The following MFSD6 variants were observed in gnomAD, a reference collection of about 807,000 sequenced individuals.
MFSD6 encodes major facilitator superfamily domain containing 6.
A neutral mutation model predicts 56.3 loss-of-function variants in MFSD6; 26 were observed. The observed-to-expected ratio is 0.46, with a 90% CI of 0.34 to 0.64. The LOEUF (loss-of-function observed/expected upper bound fraction) is 0.64. Among genes scored for constraint, MFSD6 ranks in the 30% least tolerant of loss-of-function variants. The pLI, the probability that MFSD6 is intolerant of heterozygous loss-of-function variation, is 0.01. For missense variants in MFSD6, 750 were observed against 986.2 expected, an observed-to-expected ratio of 0.76 and a Z score of 3.21; for synonymous variants, 331 against 366.9, an observed-to-expected ratio of 0.90 and a Z score of 1.12.
Position 190,436,058 on chromosome 2 carries a change from C to G in MFSD6, c.29C>G (p.Thr10Arg), listed in dbSNP as rs147482836. ...GCAGATGATAAAGTTGCTATCTTAA[C>G]GGATGATGAAGAGGAACAGAAGAGA... is the stretch of plus-strand genomic sequence containing the variant. Reference protein sequence around the residue: MADDKVAILTDDEEEQKRKY... With the variant: MADDKVAILRDDEEEQKRKY... The change falls in exon 3 of 8, where the codon ACG (threonine) becomes AGG (arginine). Residue 10 changes from threonine to arginine, a missense_variant. Physicochemically the swap from Thr to Arg is moderately conservative, Grantham distance 71 (BLOSUM62 -1). Around this residue, in one of 5 missense-constraint regions of MFSD6, gnomAD observed 76 missense variants for 101.9 expected, o/e 0.75. Coordinates refer to ENST00000392328, the MANE Select transcript of MFSD6 (RefSeq NM_017694.4). The surrounding 1 kb of genome is among the most constrained non-coding windows in gnomAD (Gnocchi z 5.3). 3 of 1,613,422 alleles carry G rather than the reference C, an allele frequency of 1.9e-6. No homozygotes were observed. The East Asian group carries it at 6.7e-5, about 36-fold the overall frequency.
chr2:190,475,429 A>G (rs532790929), intron 4 of MFSD6, among the ~76,000 whole-genome samples: 1 of 152,300 alleles, frequency 6.6e-6, no homozygotes, highest in South Asian at 2.1e-4. Context: ...TAACAGCCAA[A>G]CACCCAAATC....
At chr2:190,481,618 TTGG>T (rs1688670674) in intron 4 of MFSD6, among the ~76,000 whole-genome samples, 1 of 152,208 alleles carries the variant, frequency 6.6e-6, no homozygotes, top group South Asian at 2.1e-4. Context: ...TGTAAGCTCC[TTGG>T]TGGCTGGGGA....
Position 190,413,498 on chromosome 2 carries a change from G to A in MFSD6, c.-175-1794G>A, listed in dbSNP as rs1264643535. Among the ~76,000 whole-genome samples the A allele has an allele frequency of 1.3e-5, 2 of 152,178 alleles. No individual in the cohort carries two copies. The highest frequency in any genetic ancestry group is 1.5e-5 in the Non-Finnish European group (1 of 68,036). On this transcript the variant is annotated intron_variant, in intron 1 of 7. Transcript: ENST00000392328. The surrounding 1 kb of genome is among the most constrained non-coding windows in gnomAD (Gnocchi z 4.1). ...AAGGCCAGCTCTGAATGACTCTGAG[G>A]AAATGTTTGGAAGCATTTTGATCTG...
intron 3 of MFSD6, among the ~76,000 whole-genome samples, chr2:190,441,233 A>G (rs551058624): frequency 6.6e-6 from 1 of 152,060 alleles, no homozygotes; most frequent in East Asian, 1.9e-4. Context: ...TATGTTTTCC[A>G]GGGTCTGTTC....
At position 190,436,924 on chromosome 2, in the gene MFSD6, G is replaced by T. The variant is rs1219885410; in HGVS notation, c.895G>T (p.Glu299Ter). The change falls in exon 3 of 8, where the codon GAA (glutamate) becomes TAA (stop). Residue 299 changes from glutamate to a stop codon, truncating the protein, a stop_gained. Transcript: ENST00000392328. LOFTEE classifies it high-confidence loss of function. This position sits in a 1 kb window ranked among gnomAD's most constrained non-coding sequence, Gnocchi z 5.3. ...GATCTTGGTAGTTGTCATAATAGGA[G>T]AATTTTTCAGTGCCTCTTCTGTCAC... is the stretch of plus-strand genomic sequence containing the variant. ...LVILVVVIIGEFFSASSVTIV... is the reference protein window; with the variant it reads ...LVILVVVIIG The T allele has an allele frequency of 6.2e-7, 1 of 1,614,188 alleles. No individual in the cohort carries two copies. The highest frequency in any genetic ancestry group is 8.5e-7 in the Non-Finnish European group (1 of 1,180,044).
intron 3 of MFSD6, among the ~76,000 whole-genome samples, chr2:190,440,676 A>G (rs996181482): frequency 2.6e-5 from 4 of 152,220 alleles, no homozygotes; most frequent in Non-Finnish European, 5.9e-5. Flanking sequence ...ATTTTAAGGG[A>G]CACAGAAAAA....
Position 190,437,723 on chromosome 2 carries a change from CAAAGG to C in MFSD6, c.1532+170_1532+174del, listed in dbSNP as rs968614092. On this transcript the variant is annotated intron_variant, in intron 3 of 7. Coordinates refer to ENST00000392328, the MANE Select transcript of MFSD6 (RefSeq NM_017694.4). The surrounding 1 kb of genome is among the most constrained non-coding windows in gnomAD (Gnocchi z 5.9). ...TTTCTTTTCCTCCTTAAAATAGAAA[CAAAGG>C]AAAGGAAGTCATGAACCTGGTTGGA... Among the ~76,000 whole-genome samples the C allele has an allele frequency of 2.0e-5, 3 of 152,030 alleles. No homozygotes were observed. Among genetic ancestry groups the C allele is most frequent in the African/African-American group, 7.3e-5 (3 of 41,372 alleles).
At chr2:190,472,004 C>T (rs542687078) in intron 4 of MFSD6, among the ~76,000 whole-genome samples, 2 of 152,322 alleles carry the variant, frequency 1.3e-5, no homozygotes, top group African/African-American at 4.8e-5. Context: ...CTCCAGCAAA[C>T]TCCAACAGAC....
chr2:190,476,670 G>A (rs1688337486), intron 4 of MFSD6, among the ~76,000 whole-genome samples: 1 of 152,160 alleles, frequency 6.6e-6, no homozygotes, highest in African/African-American at 2.4e-5. Context: ...TCTAGAACTA[G>A]AAATACCATT....
rs1259888082 is a variant in MFSD6 at position 190,495,468 on chromosome 2, A to T, written c.1892-1971A>T. Among the ~76,000 whole-genome samples, 3 of 152,118 alleles carry T rather than the reference A, an allele frequency of 2.0e-5. No homozygotes were observed. The highest frequency in any genetic ancestry group is 2.0e-4 in the Admixed American group (3 of 15,270). On this transcript the variant is annotated intron_variant, in intron 6 of 7. Transcript: ENST00000392328. This position sits in a 1 kb window ranked among gnomAD's most constrained non-coding sequence, Gnocchi z 4.7. ...AATGCAATTCCCATCAAATACCACCATCATTCTTCACAGAACTAGAAAAAA... is the reference window on the plus strand; with the variant it reads ...AATGCAATTCCCATCAAATACCACCTTCATTCTTCACAGAACTAGAAAAAA...
At chr2:190,429,087 T>C (rs1323645303) in intron 2 of MFSD6, among the ~76,000 whole-genome samples, 1 of 152,180 alleles carries the variant, frequency 6.6e-6, no homozygotes, top group African/African-American at 2.4e-5. Context: ...TTATTGGCCA[T>C]TTGTATAGGC....
At position 190,491,733 on chromosome 2, in the gene MFSD6, ATATGACAAAACAAGGTT is replaced by A. The variant is rs1689367399; in HGVS notation, c.1891+1868_1891+1884del. On this transcript the variant is annotated intron_variant, in intron 6 of 7. Coordinates refer to ENST00000392328, the MANE Select transcript of MFSD6 (RefSeq NM_017694.4). This position sits in a 1 kb window ranked among gnomAD's most constrained non-coding sequence, Gnocchi z 4.2. ...AGGAACCAGAACAACAATTCTAGTA[ATATGACAAAACAAGGTT>A]CTTTAACCTGCCCCAACAAAATCAC... Among the ~76,000 whole-genome samples, 1 of 152,210 alleles carries A rather than the reference ATATGACAAAACAAGGTT, an allele frequency of 6.6e-6. No homozygotes were observed.
chr2:190,483,948 G>GGTAGT (rs1688858151), intron 4 of MFSD6, among the ~76,000 whole-genome samples: 1 of 151,996 alleles, frequency 6.6e-6, no homozygotes, highest in South Asian at 2.1e-4. Flanking sequence ...CTTGGCAGTA[G>GGTAGT]GTAGTGTGGA....
At chr2:190,430,009 C>T (rs548561242) in intron 2 of MFSD6, among the ~76,000 whole-genome samples, 1 of 150,908 alleles carries the variant, frequency 6.6e-6, no homozygotes, top group Non-Finnish European at 1.5e-5. Flanking sequence ...TCCCCACCCC[C>T]CAACAGGCCC....
At chr2:190,452,866 A>G (rs1686832599) in intron 3 of MFSD6, among the ~76,000 whole-genome samples, 1 of 152,200 alleles carries the variant, frequency 6.6e-6, no homozygotes, top group African/African-American at 2.4e-5. Context: ...ACTAACTTGT[A>G]CTGAATATAA....
intron 1 of MFSD6, chr2:190,411,470 C>A: frequency 4.1e-6 from 4 of 985,312 alleles, no homozygotes; most frequent in Non-Finnish European, 4.8e-6. Flanking sequence ...CAGTGGCTAT[C>A]TTCAGGAAGT....
rs1474207414 is a variant in MFSD6 at position 190,415,724 on chromosome 2, A to C, written c.-54+311A>C. On this transcript the variant is annotated intron_variant, in intron 2 of 7. Transcript: ENST00000392328. The surrounding 1 kb of genome is among the most constrained non-coding windows in gnomAD (Gnocchi z 4.5). ...TATATGGGAAGGTACTAAGGATATA[A>C]ATTATTCTTTTAGACTATAGCACAT... is the stretch of plus-strand genomic sequence containing the variant. Among the ~76,000 whole-genome samples the C allele has an allele frequency of 6.6e-6, 1 of 152,230 alleles. No homozygotes were observed. Among genetic ancestry groups the C allele is most frequent in the African/African-American group, 2.4e-5 (1 of 41,460 alleles).
At position 190,423,738 on chromosome 2, in the gene MFSD6, A is replaced by AT. The variant is rs1685704209; in HGVS notation, c.-54+8329dup. Among the ~76,000 whole-genome samples, 1 of 152,234 alleles carries AT rather than the reference A, an allele frequency of 6.6e-6. No homozygotes were observed. Among genetic ancestry groups the AT allele is most frequent in the Admixed American group, 6.5e-5 (1 of 15,278 alleles). On this transcript the variant is annotated intron_variant, in intron 2 of 7. Coordinates refer to ENST00000392328, the MANE Select transcript of MFSD6 (RefSeq NM_017694.4). The surrounding 1 kb of genome is among the most constrained non-coding windows in gnomAD (Gnocchi z 4.3). ...AAACTGCTTTCTAGAGTGGTGTACCATTTTAAATCCCCACCCACAGTATAT... is the reference window on the plus strand; with the variant it reads ...AAACTGCTTTCTAGAGTGGTGTACCATTTTTAAATCCCCACCCACAGTATAT...
In MFSD6 at chr2:190,499,800, T is replaced by C. The variant is rs1689928665; in HGVS notation, c.2173-215T>C. 2.6e-6 allele frequency: 4 copies of C among 1,519,432 alleles called. No homozygotes were observed. The highest frequency in any genetic ancestry group is 2.0e-5 in the Admixed American group (1 of 49,992). 94.1% of individuals were successfully genotyped at this position (1,519,432 alleles called of 1,614,324 possible). A position where few individuals can be genotyped will look rare whatever the true frequency, so the allele number is the denominator to read the frequency against. On this transcript the variant is annotated intron_variant, in intron 7 of 7. Coordinates refer to ENST00000392328, the MANE Select transcript of MFSD6 (RefSeq NM_017694.4). The surrounding 1 kb of genome is among the most constrained non-coding windows in gnomAD (Gnocchi z 6.0). The stretch of plus-strand genomic sequence containing the variant: ...TTTTTCCACAAGACACGTCTGCTTA[T>C]AGTGTTTGTGTTTTTCATGCGGCTC...
Sources: gnomAD v4.1 joint callset for allele counts (sites outside exome capture counted in the v4.1 genomes callset) on GRCh38, gnomAD v4.1.1 for gene constraint, gnomAD v4.1.1 regional missense constraint, Gnocchi (gnomAD v3.1) non-coding constraint, MANE v1.5 for transcripts, NCBI Gene and HGNC (gene_info 2026-07-23, HGNC 2026-07-21) for gene names.